Variants in DSCAM observed in about 807,000 individuals in gnomAD.
The protein encoded by DSCAM is cell adhesion molecule DSCAM.
DSCAM carries 47 observed loss-of-function variants against 217.7 expected under a neutral mutation model. The observed-to-expected ratio is 0.22, with a 90% CI of 0.17 to 0.28. The LOEUF (loss-of-function observed/expected upper bound fraction) is 0.28. Ranked by LOEUF, DSCAM falls within the 10% of genes least tolerant of loss-of-function variation. DSCAM has a pLI of 1.00. For synonymous variants in DSCAM, 1,056 were observed against 1,015.3 expected, an observed-to-expected ratio of 1.04 and a Z score of -0.76; for missense variants, 2,080 against 2,618.3, an observed-to-expected ratio of 0.79 and a Z score of 4.49.
At chr21:40,438,486 T>C (rs930477088) in intron 3 of DSCAM, among the ~76,000 whole-genome samples, 3 of 152,230 alleles carry the variant, frequency 2.0e-5, no homozygotes, top group Non-Finnish European at 4.4e-5. Context: ...ATGAACATTA[T>C]ACACTTTTGT....
chr21:40,624,412 A>T (rs2089569339), intron 3 of DSCAM, among the ~76,000 whole-genome samples: 1 of 152,178 alleles, frequency 6.6e-6, no homozygotes. Flanking sequence ...GCACTGCTGT[A>T]AGATCGGATT....
intron 11 of DSCAM, among the ~76,000 whole-genome samples, chr21:40,218,638 T>TTC (rs370498612): frequency 1.3e-5 from 2 of 152,144 alleles, no homozygotes; most frequent in African/African-American, 4.8e-5. Flanking sequence ...ATTTTTTTTT[T>TTC]CACTTGTTTG....
In DSCAM at chr21:40,124,186, C is replaced by T. The variant is rs1200944826; in HGVS notation, c.3696+9G>A. 1.9e-6 allele frequency: 3 copies of T among 1,613,856 alleles called. No homozygotes were observed. Among genetic ancestry groups the T allele is most frequent in the Non-Finnish European group, 2.5e-6 (3 of 1,179,942 alleles). The stretch of plus-strand genomic sequence containing the variant: ...CGCTTGAAAGGCACTTGGTTATTTA[C>T]CAACTTACTGTGGGATAGGGGTGGG... On this transcript the variant is annotated intron_variant, in intron 20 of 32. Coordinates refer to ENST00000400454, the MANE Select transcript of DSCAM (RefSeq NM_001389.5).
chr21:40,620,094 GAA>G (rs1171797639), intron 3 of DSCAM, among the ~76,000 whole-genome samples: 1 of 76,894 alleles, frequency 1.3e-5, no homozygotes, highest in Non-Finnish European at 2.5e-5. Context: ...GAAAGAGAGA[GAA>G]AGAGAGAGAA....
intron 1 of DSCAM, among the ~76,000 whole-genome samples, chr21:40,816,930 C>A (rs1016451558): frequency 6.6e-6 from 1 of 152,120 alleles, no homozygotes; most frequent in Non-Finnish European, 1.5e-5. Flanking sequence ...CGAGCTCGCT[C>A]TTTTTTGACA....
intron 3 of DSCAM, among the ~76,000 whole-genome samples, chr21:40,401,158 C>T (rs1235321821): frequency 1.3e-5 from 2 of 152,154 alleles, no homozygotes; most frequent in Admixed American, 6.6e-5. Flanking sequence ...GTCCCTTGTT[C>T]CGCTAAGTAA....
At chr21:40,478,422 C>T (rs186896244) in intron 3 of DSCAM, among the ~76,000 whole-genome samples, 1 of 152,274 alleles carries the variant, frequency 6.6e-6, no homozygotes, top group Admixed American at 6.5e-5. Flanking sequence ...GGCACAGAGC[C>T]AGCTTTTAAA....
At chr21:40,468,452 G>A (rs1284600592) in intron 3 of DSCAM, among the ~76,000 whole-genome samples, 1 of 152,130 alleles carries the variant, frequency 6.6e-6, no homozygotes, top group Non-Finnish European at 1.5e-5. Flanking sequence ...AATATTTCAG[G>A]GTTACTATGA....
intron 3 of DSCAM, among the ~76,000 whole-genome samples, chr21:40,541,760 AT>A (rs1473719110): frequency 6.6e-6 from 1 of 152,152 alleles, no homozygotes; most frequent in Non-Finnish European, 1.5e-5. Flanking sequence ...AGGAAGAATG[AT>A]TTTTCAGTAT....
chr21:40,836,142 T>G (rs79726095), intron 1 of DSCAM, among the ~76,000 whole-genome samples: 5 of 152,272 alleles, frequency 3.3e-5, no homozygotes, highest in Non-Finnish European at 7.4e-5. Context: ...AGCTCATCTC[T>G]TAAGCTTGTT....
intron 11 of DSCAM, among the ~76,000 whole-genome samples, chr21:40,272,808 C>T (rs80202248): frequency 0.03 from 4,520 of 152,196 alleles, 218 homozygotes; most frequent in African/African-American, 0.1. Context: ...AAATGACTTA[C>T]AGAAAGGGGA....
At chr21:40,124,088 A>G (rs1355896281) in intron 20 of DSCAM, 107 bp downstream of exon 20, 13 of 1,501,422 alleles carry the variant, frequency 8.7e-6, no homozygotes, top group Non-Finnish European at 9.1e-6. Flanking sequence ...AAACCACTGG[A>G]AAGACCCAGG....
At chr21:40,565,772 C>T (rs552582055) in intron 3 of DSCAM, among the ~76,000 whole-genome samples, 7 of 152,072 alleles carry the variant, frequency 4.6e-5, no homozygotes, top group Non-Finnish European at 8.8e-5. Context: ...GGGAAAATAC[C>T]GCCAGGTGAA....
At chr21:40,517,009 T>C (rs1308385958) in intron 3 of DSCAM, among the ~76,000 whole-genome samples, 1 of 147,590 alleles carries the variant, frequency 6.8e-6, no homozygotes, top group Non-Finnish European at 1.5e-5. Flanking sequence ...ACCATATATA[T>C]ACCTTACATA....
chr21:40,781,719 C>T (rs1331987529), intron 1 of DSCAM, among the ~76,000 whole-genome samples: 5 of 152,048 alleles, frequency 3.3e-5, no homozygotes, highest in African/African-American at 1.2e-4. Context: ...CCATAGAAAC[C>T]ACCCCAACCC....
chr21:40,073,982 C>A (rs1300772684), intron 27 of DSCAM, among the ~76,000 whole-genome samples: 1 of 152,110 alleles, frequency 6.6e-6, no homozygotes, highest in Admixed American at 6.5e-5. Context: ...GTTGGCAGAG[C>A]AAAAGCAAGT....
intron 1 of DSCAM, among the ~76,000 whole-genome samples, chr21:40,727,524 C>T (rs1458901673): frequency 6.6e-6 from 1 of 152,088 alleles, no homozygotes; most frequent in African/African-American, 2.4e-5. Flanking sequence ...TTGTAGAGGT[C>T]CCTGTTTTCC....
At chr21:40,353,348 AGCTGG>A in intron 5 of DSCAM, 112 bp downstream of exon 5, 2 of 1,384,812 alleles carry the variant, frequency 1.4e-6, no homozygotes, top group Non-Finnish European at 2.0e-6. Context: ...TGTTGATCTC[AGCTGG>A]ACTGTTTTGG....
At chr21:40,781,609 T>G (rs1376791402) in intron 1 of DSCAM, among the ~76,000 whole-genome samples, 2 of 152,122 alleles carry the variant, frequency 1.3e-5, no homozygotes, top group Non-Finnish European at 2.9e-5. Context: ...TATGCCTGGA[T>G]TTTGGTATAC....
Sources: gnomAD v4.1 joint callset for allele counts (sites outside exome capture counted in the v4.1 genomes callset) on GRCh38, gnomAD v4.1.1 for gene constraint, MANE v1.5 for transcripts, NCBI Gene and HGNC (gene_info 2026-07-23, HGNC 2026-07-21) for gene names.